EPN2: variants seen among roughly 807,000 people sequenced by gnomAD.
EPN2 encodes the protein epsin-2.
Under a neutral mutation model 61.7 loss-of-function variants are expected in EPN2, and 34 were observed. That is an observed-to-expected ratio of 0.55 (90% CI 0.42 to 0.73). EPN2 has a LOEUF of 0.73. Ranked by LOEUF, EPN2 falls within the 30% of genes least tolerant of loss-of-function variation. The pLI is 0.00. For synonymous variants in EPN2, 349 were observed against 353.6 expected, an observed-to-expected ratio of 0.99 and a Z score of 0.15; for missense variants, 714 against 839.2, an observed-to-expected ratio of 0.85 and a Z score of 1.84.
intron 1 of EPN2, among the ~76,000 whole-genome samples, chr17:19,256,116 T>C (rs2045075030): frequency 6.6e-6 from 1 of 151,886 alleles, no homozygotes; most frequent in Non-Finnish European, 1.5e-5. Flanking sequence ...TTTTTGTATT[T>C]TTAGTAGAGA....
chr17:19,271,751 CTTGT>C (rs1171377463), intron 1 of EPN2: 1 of 152,288 alleles, frequency 6.6e-6, no homozygotes, highest in Non-Finnish European at 1.5e-5. Context: ...GAGCAAACCG[CTTGT>C]TTTTCTCACA....
At chr17:19,315,289 G>A (rs899187210) in intron 7 of EPN2, among the ~76,000 whole-genome samples, 7 of 152,156 alleles carry the variant, frequency 4.6e-5, no homozygotes, top group Non-Finnish European at 1.0e-4. Flanking sequence ...TAGGAACATA[G>A]CGTAATAGCA....
At chr17:19,263,018 CGTGA>C (rs1184227848) in intron 1 of EPN2, among the ~76,000 whole-genome samples, 5 of 152,308 alleles carry the variant, frequency 3.3e-5, no homozygotes, top group Admixed American at 2.6e-4. Flanking sequence ...CTTTGGCAGT[CGTGA>C]GTAACACAGC....
intron 1 of EPN2, among the ~76,000 whole-genome samples, chr17:19,278,306 T>G (rs1186601826): frequency 6.6e-6 from 1 of 152,110 alleles, no homozygotes; most frequent in Non-Finnish European, 1.5e-5. Context: ...GTTTTCACAC[T>G]ACTGATAAAG....
intron 1 of EPN2, among the ~76,000 whole-genome samples, chr17:19,240,776 C>T (rs1431802092): frequency 6.6e-6 from 1 of 152,154 alleles, no homozygotes; most frequent in Non-Finnish European, 1.5e-5. Flanking sequence ...ATCTGGGGCT[C>T]TTGTGACACT....
In EPN2 at chr17:19,335,514, A is replaced by G; in HGVS notation, c.*1260A>G. 1.3e-6 allele frequency: 2 copies of G among 1,530,164 alleles called. No homozygotes were observed. The highest frequency in any genetic ancestry group is 1.8e-6 in the Non-Finnish European group (2 of 1,133,400). 94.8% of individuals were successfully genotyped at this position (1,530,164 alleles called of 1,614,324 possible). On this transcript the variant is annotated 3_prime_UTR_variant, in exon 11 of 11. Transcript: ENST00000314728. ...CTCTGTCTTAATCCACGCTCAGGCTAAAGATGGGGATAATGTGGAAATGGC... is the reference window on the plus strand; with the variant it reads ...CTCTGTCTTAATCCACGCTCAGGCTGAAGATGGGGATAATGTGGAAATGGC...
intron 1 of EPN2, among the ~76,000 whole-genome samples, chr17:19,238,012 A>C (rs1038147998): frequency 6.6e-6 from 1 of 151,786 alleles, no homozygotes; most frequent in East Asian, 1.9e-4. Context: ...GCCCTCCGGG[A>C]ATCGGGGGAG....
intron 4 of EPN2, among the ~76,000 whole-genome samples, chr17:19,297,877 T>C (rs1222785904): frequency 6.6e-6 from 1 of 152,186 alleles, no homozygotes; most frequent in Non-Finnish European, 1.5e-5. Context: ...TATCGATTCA[T>C]TTATGTATTT....
rs777951481 is a variant in EPN2 at position 19,283,423 on chromosome 17, G to T, written c.304G>T (p.Ala102Ser). 1.1e-5 allele frequency: 17 copies of T among 1,614,056 alleles called. No homozygotes were observed. The highest frequency in any genetic ancestry group is 1.4e-5 in the Non-Finnish European group (16 of 1,180,034). The change falls in exon 3 of 11, where the codon GCC becomes TCC. Residue 102 changes from alanine to serine, a missense_variant. Coordinates refer to ENST00000314728, the MANE Select transcript of EPN2 (RefSeq NM_014964.5). This position sits in a 1 kb window ranked among gnomAD's most constrained non-coding sequence, Gnocchi z 7.0. ...CCAGCAGTGCCGGGAGAACATCTTC[G>T]CCATCCAGACCCTGAAGGACTTCCA... is the stretch of plus-strand genomic sequence containing the variant. ...VAQQCRENIF[A>S]IQTLKDFQYI... is the part of the protein sequence containing the mutation.
intron 4 of EPN2, chr17:19,308,684 G>T (rs1033955554): frequency 2.0e-6 from 2 of 985,382 alleles, no homozygotes; most frequent in Non-Finnish European, 2.4e-6. Flanking sequence ...TAAAGCAGTA[G>T]CTCCAAATCT....
intron 1 of EPN2, among the ~76,000 whole-genome samples, chr17:19,264,992 G>T (rs1290746765): frequency 6.6e-6 from 1 of 152,144 alleles, no homozygotes; most frequent in Non-Finnish European, 1.5e-5. Flanking sequence ...GAGCATCCCT[G>T]GAGGGAAGGA....
At chr17:19,263,137 A>C (rs1685088535) in intron 1 of EPN2, among the ~76,000 whole-genome samples, 1 of 152,186 alleles carries the variant, frequency 6.6e-6, no homozygotes, top group Admixed American at 6.5e-5. Flanking sequence ...ACCGCAGGGA[A>C]TGTGGCACCT....
In EPN2 at chr17:19,283,528, GA is replaced by G; in HGVS notation, c.410del (p.Glu137GlyfsTer4). 6.2e-7 allele frequency: 1 copy of G among 1,614,228 alleles called. No homozygotes were observed. The highest frequency in any genetic ancestry group is 8.5e-7 in the Non-Finnish European group (1 of 1,180,044). On this transcript the variant is annotated frameshift_variant, in exon 3 of 11. Transcript: ENST00000314728. LOFTEE classifies it high-confidence loss of function. This position sits in a 1 kb window ranked among gnomAD's most constrained non-coding sequence, Gnocchi z 7.0. ...SKQLVALLKD[E>X]ERLKAERAQA... ...GCAACTGGTGGCTCTCCTCAAGGAC[GA>G]GGAACGGTTGAAGGCTGAGAGGGCC...
chr17:19,325,941 A>G (rs2152237917), intron 7 of EPN2, among the ~76,000 whole-genome samples: 1 of 152,350 alleles, frequency 6.6e-6, no homozygotes, highest in Non-Finnish European at 1.5e-5. Context: ...ACAAAAGAGT[A>G]TACAAAAGTT....
At chr17:19,323,269 G>A (rs1442018045) in intron 7 of EPN2, among the ~76,000 whole-genome samples, 1 of 152,188 alleles carries the variant, frequency 6.6e-6, no homozygotes, top group Admixed American at 6.5e-5. Context: ...TAAGAGGGCC[G>A]GAGAGGCCCA....
intron 5 of EPN2, among the ~76,000 whole-genome samples, chr17:19,310,252 A>C (rs1273428102): frequency 6.6e-6 from 1 of 152,228 alleles, no homozygotes; most frequent in Admixed American, 6.5e-5. Flanking sequence ...GAAACCAGTT[A>C]AAAATGCTTC....
In EPN2 at chr17:19,312,166, A is replaced by G. The variant is rs778332681; in HGVS notation, c.972+22A>G. On this transcript the variant is annotated intron_variant, in intron 6 of 10. Transcript: ENST00000314728. ...AGAGGTAAGAGCTTGCTGGGAGGGT[A>G]GATGTTTCACCCTGTCCTGTAGTTG... 16 of 1,548,276 alleles carry G rather than the reference A, an allele frequency of 1.0e-5. No homozygotes were observed. In the African/African-American group the frequency reaches 2.2e-4, roughly 21 times the overall value.
At chr17:19,329,810 A>G (rs1041119806) in intron 9 of EPN2, among the ~76,000 whole-genome samples, 163 bp downstream of exon 9, 2 of 152,174 alleles carry the variant, frequency 1.3e-5, no homozygotes, top group African/African-American at 4.8e-5. Context: ...TCATACATCA[A>G]TAGTTAAAAA....
At chr17:19,264,567 TA>T (rs1372852245) in intron 1 of EPN2, among the ~76,000 whole-genome samples, 9 of 152,236 alleles carry the variant, frequency 5.9e-5, no homozygotes, top group African/African-American at 2.2e-4. Flanking sequence ...GTGAGGTGAC[TA>T]AAAGGTGCTG....
Sources: gnomAD v4.1 joint callset for allele counts (sites outside exome capture counted in the v4.1 genomes callset) on GRCh38, gnomAD v4.1.1 for gene constraint, Gnocchi (gnomAD v3.1) non-coding constraint, MANE v1.5 for transcripts, NCBI Gene and HGNC (gene_info 2026-07-23, HGNC 2026-07-21) for gene names.